Variants in SEC24C observed in about 807,000 individuals in gnomAD.
SEC24C encodes protein transport protein Sec24C.
A neutral mutation model predicts 117.0 loss-of-function variants in SEC24C; 22 were observed. That is an observed-to-expected ratio of 0.19 (90% CI 0.13 to 0.27). The LOEUF (loss-of-function observed/expected upper bound fraction) is 0.27, where lower values mean the gene tolerates loss of function less well. Among genes scored for constraint, SEC24C ranks in the 10% least tolerant of loss-of-function variants. SEC24C has a pLI of 1.00. For missense variants in SEC24C, 1,155 were observed against 1,375.1 expected, an observed-to-expected ratio of 0.84 and a Z score of 2.53; for synonymous variants, 506 against 529.4, an observed-to-expected ratio of 0.96 and a Z score of 0.61.
chr10:73,760,969 G>A, intron 6 of SEC24C, 120 bp downstream of exon 6: 3 of 1,170,240 alleles, frequency 2.6e-6, no homozygotes, highest in Non-Finnish European at 3.6e-6. Flanking sequence ...TCATCTTCTT[G>A]GAGAACTTAC....
intron 6 of SEC24C, chr10:73,762,079 A>G: frequency 7.8e-7 from 1 of 1,288,008 alleles, no homozygotes; most frequent in South Asian, 1.2e-5. Context: ...TGCTGCATTT[A>G]TTATTAAAAC....
intron 21 of SEC24C, 22 bp downstream of exon 21, chr10:73,770,493 G>A: frequency 6.2e-7 from 1 of 1,611,824 alleles, no homozygotes; most frequent in Non-Finnish European, 8.5e-7. Context: ...GAGTCAAGGA[G>A]AATATGGGTG....
At chr10:73,761,698 C>CA (rs2132554386) in intron 6 of SEC24C, among the ~76,000 whole-genome samples, 1 of 152,256 alleles carries the variant, frequency 6.6e-6, no homozygotes, top group South Asian at 2.1e-4. Flanking sequence ...CCCCCTCCTT[C>CA]AGTGAGAAGG....
In SEC24C at chr10:73,758,281, A is replaced by G. The variant is rs184941394; in HGVS notation, c.309-1341A>G. Among the ~76,000 whole-genome samples the G allele has an allele frequency of 1.1e-4, 17 of 152,310 alleles. No individual in the cohort carries two copies. In the East Asian group the frequency reaches 3.3e-3, roughly 29 times the overall value. On this transcript the variant is annotated intron_variant, in intron 3 of 22. Transcript: ENST00000345254. ...AAAAGTAGAGACAGAGTATAGACCT[A>G]TTCTTTTGTAATGTTTAGCTAAAAG...
chr10:73,768,613 A>G (rs2082921335), intron 15 of SEC24C, among the ~76,000 whole-genome samples, 197 bp from the exon 16 acceptor site: 2 of 152,246 alleles, frequency 1.3e-5, no homozygotes, highest in South Asian at 2.1e-4. Context: ...TTAAATAATT[A>G]TATGTAAAGC....
At position 73,769,591 on chromosome 10, in the gene SEC24C, G is replaced by A. The variant is rs777293650; in HGVS notation, c.2564-24G>A. On this transcript the variant is annotated intron_variant, in intron 18 of 22. Coordinates refer to ENST00000345254, the MANE Select transcript of SEC24C (RefSeq NM_198597.3). The surrounding 1 kb of genome is among the most constrained non-coding windows in gnomAD (Gnocchi z 4.5). The stretch of plus-strand genomic sequence containing the variant: ...CACACATGATGGGCAGCTGACCAGT[G>A]ACTATCTTTGCTTTCCCATCCAGCA... 5.6e-6 allele frequency: 9 copies of A among 1,613,400 alleles called. No homozygotes were observed. In the Admixed American group the frequency reaches 6.7e-5, roughly 12 times the overall value.
intron 13 of SEC24C, 83 bp from the exon 14 acceptor site, chr10:73,766,971 C>A: frequency 7.3e-7 from 1 of 1,376,506 alleles, no homozygotes; most frequent in Non-Finnish European, 1.0e-6. Context: ...GTTAGACTGT[C>A]TGACATAGCT....
At position 73,763,521 on chromosome 10, in the gene SEC24C, G is replaced by A. The variant is rs372903334; in HGVS notation, c.1019G>A (p.Arg340Gln). Reference protein sequence around the residue: ...IQVIEDDRNNRGTEPFVTGVR... With the variant: ...IQVIEDDRNNQGTEPFVTGVR... ...GTCATTGAAGATGACAGGAACAACC[G>A]GGGTACAGAGCCATTTGTTACTGGA... is the stretch of plus-strand genomic sequence containing the variant. The change falls in exon 7 of 23, where the codon CGG (arginine) becomes CAG (glutamine). Residue 340 changes from arginine to glutamine, a missense_variant. Transcript: ENST00000345254. The A allele has an allele frequency of 1.5e-5, 24 of 1,613,354 alleles. No individual in the cohort carries two copies. The highest frequency in any genetic ancestry group is 1.7e-5 in the Admixed American group (1 of 59,956).
intron 6 of SEC24C, chr10:73,762,075 AT>A: frequency 7.8e-7 from 1 of 1,284,174 alleles, no homozygotes; most frequent in Non-Finnish European, 1.0e-6. Context: ...CCCCTGCTGC[AT>A]TTATTATTAA....
At chr10:73,770,889 A>T in intron 22 of SEC24C, 66 bp from the exon 23 acceptor site, 1 of 1,613,438 alleles carries the variant, frequency 6.2e-7, no homozygotes, top group Non-Finnish European at 8.5e-7. Flanking sequence ...TGACTGCCTA[A>T]TGAGATTTCT....
chr10:73,772,148 AAATT>A lies in SEC24C; in HGVS notation c.*1056_*1059del. On this transcript the variant is annotated 3_prime_UTR_variant, in exon 23 of 23. Transcript: ENST00000345254. ...TCTTTAATTTGTAAAGAAATAAAAT[AAATT>A]AAGATGTAACCATTAGCCTCATCTT... 1 of 425,678 alleles carries A rather than the reference AAATT, an allele frequency of 2.3e-6. No individual in the cohort carries two copies. The highest frequency in any genetic ancestry group is 3.6e-5 in the East Asian group (1 of 28,124). 26.4% of individuals were successfully genotyped at this position (425,678 alleles called of 1,614,324 possible). A position where few individuals can be genotyped will look rare whatever the true frequency, so the allele number is the denominator to read the frequency against.
intron 7 of SEC24C, 66 bp downstream of exon 7, chr10:73,763,667 C>CTTTTTGTT (rs2082832180): frequency 1.7e-5 from 1 of 58,202 alleles, no homozygotes; most frequent in African/African-American, 1.2e-4. Flanking sequence ...ATGGTTGGGG[C>CTTTTTGTT]TTTTTTTTTT....
chr10:73,755,914 C>T (rs771260511), intron 3 of SEC24C, among the ~76,000 whole-genome samples: 14 of 150,776 alleles, frequency 9.3e-5, no homozygotes, highest in Middle Eastern at 3.2e-3. Flanking sequence ...TGCAGTGGCA[C>T]GATCTCTGCT....
intron 6 of SEC24C, among the ~76,000 whole-genome samples, chr10:73,762,459 C>T (rs567363607): frequency 3.9e-5 from 6 of 152,238 alleles, no homozygotes; most frequent in Middle Eastern, 3.4e-3. Context: ...CTGCTGGCAC[C>T]TCCAGGAGCC....
rs2082955655 is a variant in SEC24C, at chr10:73,770,299, G to C, written c.2882G>C (p.Ser961Thr). Residue 961 changes from serine (S) to threonine (T), a missense_variant, in exon 21 of 23, where the codon AGT becomes ACT. Physicochemically the swap from Ser to Thr is moderately conservative, Grantham distance 58 (BLOSUM62 1). Coordinates refer to ENST00000345254, the MANE Select transcript of SEC24C (RefSeq NM_198597.3). The part of the protein sequence containing the change: ...LLPLTKSPVE[S>T]TTEPPAVRAS... ...GTCTAGACAAAGTCTCCCGTTGAGA[G>C]TACTACCGAACCACCAGCAGTTCGA... 6.2e-7 allele frequency: 1 copy of C among 1,611,088 alleles called. No individual in the cohort carries two copies. Among genetic ancestry groups the C allele is most frequent in the Non-Finnish European group, 8.5e-7 (1 of 1,178,522 alleles).
chr10:73,754,635 G>A (rs2082685884), intron 3 of SEC24C, among the ~76,000 whole-genome samples: 1 of 152,246 alleles, frequency 6.6e-6, no homozygotes, highest in South Asian at 2.1e-4. Context: ...GAGATGTTAG[G>A]TAGGCAGGTG....
In SEC24C at chr10:73,746,851, G is replaced by T. The variant is rs756923369; in HGVS notation, c.19G>T (p.Val7Phe). 1.9e-6 allele frequency: 3 copies of T among 1,610,856 alleles called. No homozygotes were observed. The highest frequency in any genetic ancestry group is 2.5e-6 in the Non-Finnish European group (3 of 1,178,434). Reference protein sequence around the residue: MNVNQSVPPVPPFGQPQ... With the variant: MNVNQSFPPVPPFGQPQ... ...TTTCATAATGAACGTCAACCAGTCAGTTCCACCTGTGCCACCATTTGGGCA... is the reference window on the plus strand; with the variant it reads ...TTTCATAATGAACGTCAACCAGTCATTTCCACCTGTGCCACCATTTGGGCA... Residue 7 changes from valine (V) to phenylalanine (F), a missense_variant, in exon 2 of 23, where the codon GTT becomes TTT. Coordinates refer to ENST00000345254, the MANE Select transcript of SEC24C (RefSeq NM_198597.3).
At chr10:73,759,842 A>G in intron 4 of SEC24C, 48 bp downstream of exon 4, 1 of 1,500,830 alleles carries the variant, frequency 6.7e-7, no homozygotes, top group Middle Eastern at 1.9e-4. Context: ...GTTCAGAGGC[A>G]TCAGACTCTG....
chr10:73,759,917 G>A, intron 4 of SEC24C, 101 bp from the exon 5 acceptor site: 1 of 1,492,990 alleles, frequency 6.7e-7, no homozygotes, highest in East Asian at 2.3e-5. Context: ...CAGAAGATGG[G>A]ACAGTCATAT....
Sources: gnomAD v4.1 joint callset for allele counts (sites outside exome capture counted in the v4.1 genomes callset) on GRCh38, gnomAD v4.1.1 for gene constraint, Gnocchi (gnomAD v3.1) non-coding constraint, MANE v1.5 for transcripts, NCBI Gene and HGNC (gene_info 2026-07-23, HGNC 2026-07-21) for gene names.